The following KRR1 variants were observed in gnomAD, a reference collection of about 807,000 sequenced individuals.
KRR1 encodes the protein KRR1 small subunit processome component.
A neutral mutation model predicts 50.0 loss-of-function variants in KRR1; 23 were observed. That is an observed-to-expected ratio of 0.46 (90% CI 0.33 to 0.65). The LOEUF is 0.65. KRR1 is among the 30% of genes least tolerant of loss of function. KRR1 has a pLI of 0.02. For synonymous variants in KRR1, 133 were observed against 146.3 expected, an observed-to-expected ratio of 0.91 and a Z score of 0.66; for missense variants, 419 against 442.4, an observed-to-expected ratio of 0.95 and a Z score of 0.47.
intron 9 of KRR1, 156 bp downstream of exon 9, chr12:75,501,567 T>C: frequency 1.7e-6 from 1 of 592,654 alleles, no homozygotes; most frequent in Non-Finnish European, 2.9e-6. Context: ...AATTATAAAT[T>C]ATCTCAGCCA....
Position 75,491,537 on chromosome 12 carries a change from CTG to C in KRR1, c.*8270_*8271del, listed in dbSNP as rs972543431. ...TCCTTGAGATACTAGCACGTAAAGA[CTG>C]TGACCATTTTTGTTTTAAGTACATA... On this transcript the variant is annotated 3_prime_UTR_variant, in exon 10 of 10. Transcript: ENST00000229214. 1 of 152,168 alleles carries C rather than the reference CTG, an allele frequency of 6.6e-6. No homozygotes were observed. The highest frequency in any genetic ancestry group is 1.5e-5 in the Non-Finnish European group (1 of 68,024). 9.4% of individuals were successfully genotyped at this position (152,168 alleles called of 1,614,324 possible). A position where few individuals can be genotyped will look rare whatever the true frequency, so the allele number is the denominator to read the frequency against.
chr12:75,508,114 G>A (rs1314120505), intron 2 of KRR1, among the ~76,000 whole-genome samples, 160 bp downstream of exon 2: 3 of 144,970 alleles, frequency 2.1e-5, no homozygotes, highest in Non-Finnish European at 4.5e-5. Context: ...CATTAGGTAA[G>A]AAGAAAACTT....
Position 75,499,744 on chromosome 12 carries a change from T to C in KRR1, c.*65A>G. 1 of 1,264,296 alleles carries C rather than the reference T, an allele frequency of 7.9e-7. No homozygotes were observed. Among genetic ancestry groups the C allele is most frequent in the Non-Finnish European group, 1.1e-6 (1 of 931,976 alleles). The allele number at this position is 1,264,296 out of a possible 1,614,324, so 78.3% of individuals were successfully genotyped here. ...GAAAATTTCTCACAAATAAGGCAAC[T>C]AATGCCTGATATCTCAAAATCCTTT... On this transcript the variant is annotated 3_prime_UTR_variant, in exon 10 of 10. Coordinates refer to ENST00000229214, the MANE Select transcript of KRR1 (RefSeq NM_007043.7).
In KRR1 at chr12:75,508,287, G is replaced by C; in HGVS notation, c.245C>G (p.Ala82Gly). ...LKECWPLVQK[A>G]LNEHHVNATL... ...AGATACACATACATGTTCATTTAAG[G>C]CTTTCTGCACCAATGGCCAACACTC... Residue 82 changes from alanine (A) to glycine (G), a missense_variant, in exon 2 of 10, where the codon GCC becomes GGC. Transcript: ENST00000229214. 1 of 1,607,444 alleles carries C rather than the reference G, an allele frequency of 6.2e-7. No homozygotes were observed. The highest frequency in any genetic ancestry group is 8.5e-7 in the Non-Finnish European group (1 of 1,177,546).
Position 75,504,094 on chromosome 12 carries a change from T to C in KRR1, c.661-20A>G. 2 of 1,567,070 alleles carry C rather than the reference T, an allele frequency of 1.3e-6. No individual in the cohort carries two copies. Among genetic ancestry groups the C allele is most frequent in the South Asian group, 2.4e-5 (2 of 83,804 alleles). ...TAAGCTCTTTAGTCATGCAACAAAG[T>C]AAAAATTTTTACTTTCCAAAGTCAC... On this transcript the variant is annotated intron_variant, in intron 6 of 9. Transcript: ENST00000229214.
In KRR1 at chr12:75,506,778, T is replaced by G. The variant is rs772170171; in HGVS notation, c.393+4A>C. 3 of 1,604,242 alleles carry G rather than the reference T, an allele frequency of 1.9e-6. No individual in the cohort carries two copies. The South Asian group carries it at 3.3e-5, about 18-fold the overall frequency. Reference sequence around the variant, plus strand: ...AAGCAAAGTCTCTGTAATTCTAGATTTACCTGTTCAAATGAAACACTCCTT... The same window carrying G: ...AAGCAAAGTCTCTGTAATTCTAGATGTACCTGTTCAAATGAAACACTCCTT... On this transcript the variant is annotated splice_donor_region_variant and intron_variant, in intron 3 of 9. Coordinates refer to ENST00000229214, the MANE Select transcript of KRR1 (RefSeq NM_007043.7).
Position 75,499,069 on chromosome 12 carries a change from A to AAAAC in KRR1, c.*736_*739dup. The AAAAC allele has an allele frequency of 1.3e-6, 1 of 777,702 alleles. No individual in the cohort carries two copies. The highest frequency in any genetic ancestry group is 2.0e-6 in the Non-Finnish European group (1 of 507,960). 48.2% of individuals were successfully genotyped at this position (777,702 alleles called of 1,614,324 possible). A position where few individuals can be genotyped will look rare whatever the true frequency, so the allele number is the denominator to read the frequency against. On this transcript the variant is annotated 3_prime_UTR_variant, in exon 10 of 10. Transcript: ENST00000229214. ...TAACAATTAGGTGTACTTCTATTTT[A>AAAAC]AAACATTTCAGAAAAAAATATATGT...
At chr12:75,504,794 A>G (rs1679377) in intron 6 of KRR1, among the ~76,000 whole-genome samples, 4,185 of 152,102 alleles carry the variant, frequency 0.028, 186 homozygotes, top group African/African-American at 0.096. Context: ...AAATTCATAA[A>G]AAGGTTTTAA....
Position 75,499,712 on chromosome 12 carries a change from G to C in KRR1, c.*97C>G, listed in dbSNP as rs937073853. 1.0e-5 allele frequency: 7 copies of C among 686,976 alleles called. No individual in the cohort carries two copies. The highest frequency in any genetic ancestry group is 3.4e-5 in the Admixed American group (1 of 29,234). The allele number at this position is 686,976 out of a possible 1,614,324, so 42.6% of individuals were successfully genotyped here. A position where few individuals can be genotyped will look rare whatever the true frequency, so the allele number is the denominator to read the frequency against. ...ACCACCACCACCAAAAAAAAAAAAA[G>C]CCCTCAGAAAATTTCTCACAAATAA... On this transcript the variant is annotated 3_prime_UTR_variant, in exon 10 of 10. Transcript: ENST00000229214.
chr12:75,511,422 G>T, intron 1 of KRR1, 91 bp downstream of exon 1: 2 of 1,112,116 alleles, frequency 1.8e-6, no homozygotes, highest in Non-Finnish European at 2.8e-6. Context: ...ACAGGCTCCA[G>T]GTGGTTTTAT....
Position 75,498,892 on chromosome 12 carries a change from A to G in KRR1, c.*917T>C, listed in dbSNP as rs1167832059. ...TAACAGATACACTTCTCTCTTTCTC[A>G]TTGTTAATTCAGTAATTCTAATACT... On this transcript the variant is annotated 3_prime_UTR_variant, in exon 10 of 10. Transcript: ENST00000229214. 6.2e-7 allele frequency: 1 copy of G among 1,606,944 alleles called. No homozygotes were observed. The highest frequency in any genetic ancestry group is 2.2e-5 in the East Asian group (1 of 44,820).
chr12:75,509,890 C>T (rs2046439232), intron 1 of KRR1, among the ~76,000 whole-genome samples: 1 of 151,674 alleles, frequency 6.6e-6, no homozygotes, highest in Admixed American at 6.6e-5. Context: ...CAACTAGTTA[C>T]TTACAATGTT....
Position 75,506,616 on chromosome 12 carries a change from C to CAAAAAAA in KRR1, c.394-14_394-8dup, listed in dbSNP as rs35071517. 27,656 of 1,315,910 alleles carry CAAAAAAA rather than the reference C, an allele frequency of 0.021. 494 individuals are homozygous for CAAAAAAA. Among genetic ancestry groups the CAAAAAAA allele is most frequent in the South Asian group, 0.035 (2,224 of 63,570 alleles). The allele number at this position is 1,315,910 out of a possible 1,614,324, so 81.5% of individuals were successfully genotyped here. A position where few individuals can be genotyped will look rare whatever the true frequency, so the allele number is the denominator to read the frequency against. The stretch of plus-strand genomic sequence containing the variant: ...CCTGAAGAATTCGTACTGCCTTTTG[C>CAAAAAAA]AAAAAAAAAAAAAAAAAGAAGACAT... On this transcript the variant is annotated splice_polypyrimidine_tract_variant and splice_region_variant and intron_variant, in intron 3 of 9. Transcript: ENST00000229214.
chr12:75,494,668 AC>A lies in KRR1; in HGVS notation c.*5140del, dbSNP rs2046340144. ...CACCAGACTGCCAAAGGGTACGATT[AC>A]ACAAAAAAGTTTAGAACTTTTTCCA... is the stretch of plus-strand genomic sequence containing the variant. On this transcript the variant is annotated 3_prime_UTR_variant, in exon 10 of 10. Transcript: ENST00000229214. 1 of 152,236 alleles carries A rather than the reference AC, an allele frequency of 6.6e-6. No homozygotes were observed. The highest frequency in any genetic ancestry group is 1.5e-5 in the Non-Finnish European group (1 of 68,042). The allele number at this position is 152,236 out of a possible 1,614,324, so 9.4% of individuals were successfully genotyped here.
chr12:75,496,483 T>C lies in KRR1; in HGVS notation c.*3326A>G, dbSNP rs780495000. 6.6e-6 allele frequency: 1 copy of C among 152,170 alleles called. No individual in the cohort carries two copies. The highest frequency in any genetic ancestry group is 2.4e-5 in the African/African-American group (1 of 41,440). 9.4% of individuals were successfully genotyped at this position (152,170 alleles called of 1,614,324 possible). ...TGTTTTACTAAACATCCAAGCAAAA[T>C]TCTGCTTTGTGATTTTGAAATATTA... On this transcript the variant is annotated 3_prime_UTR_variant, in exon 10 of 10. Transcript: ENST00000229214.
Position 75,492,053 on chromosome 12 carries a change from A to C in KRR1, c.*7756T>G, listed in dbSNP as rs1013955177. 5.9e-5 allele frequency: 9 copies of C among 151,986 alleles called. No individual in the cohort carries two copies. Among genetic ancestry groups the C allele is most frequent in the Non-Finnish European group, 5.9e-5 (4 of 68,010 alleles). The allele number at this position is 151,986 out of a possible 1,614,324, so 9.4% of individuals were successfully genotyped here. A position where few individuals can be genotyped will look rare whatever the true frequency, so the allele number is the denominator to read the frequency against. On this transcript the variant is annotated 3_prime_UTR_variant, in exon 10 of 10. Transcript: ENST00000229214. Reference sequence around the variant, plus strand: ...AAAGAAAACCCAGAAAAAACTAGACAAAGCCATAATTCAGTTAGTGGTAAC... The same window carrying C: ...AAAGAAAACCCAGAAAAAACTAGACCAAGCCATAATTCAGTTAGTGGTAAC...
rs931024341 is a variant in KRR1 at position 75,497,538 on chromosome 12, A to G, written c.*2271T>C. The G allele has an allele frequency of 3.9e-5, 6 of 152,224 alleles. No homozygotes were observed. The highest frequency in any genetic ancestry group is 6.5e-5 in the Admixed American group (1 of 15,280). The allele number at this position is 152,224 out of a possible 1,614,324, so 9.4% of individuals were successfully genotyped here. A position where few individuals can be genotyped will look rare whatever the true frequency, so the allele number is the denominator to read the frequency against. ...TCATGTAAGTTTAGGCTTACTTGAA[A>G]GTATTCTACTCTTCGCACTAATACT... On this transcript the variant is annotated 3_prime_UTR_variant, in exon 10 of 10. Transcript: ENST00000229214.
chr12:75,499,846 A>ATCTT lies in KRR1; in HGVS notation c.1105_1108dup (p.Met370LysfsTer6). The ATCTT allele has an allele frequency of 6.2e-7, 1 of 1,607,402 alleles. No individual in the cohort carries two copies. Among genetic ancestry groups the ATCTT allele is most frequent in the Non-Finnish European group, 8.5e-7 (1 of 1,177,370 alleles). ...CTTCTTTTTCTTTTCATCTGCCTCC[A>ATCTT]TCTTAAGTGCAATTTCTTCAGCTGT... is the stretch of plus-strand genomic sequence containing the variant. On this transcript the variant is annotated frameshift_variant, in exon 10 of 10. Transcript: ENST00000229214. LOFTEE classifies it high-confidence loss of function.
At chr12:75,501,513 A>ACTGT (rs1233067085) in intron 9 of KRR1, 6 of 523,396 alleles carry the variant, frequency 1.1e-5, no homozygotes, top group African/African-American at 5.8e-5. Flanking sequence ...TCAGGAGAGG[A>ACTGT]CTGTCAATCC....
Sources: gnomAD v4.1 joint callset for allele counts (sites outside exome capture counted in the v4.1 genomes callset) on GRCh38, gnomAD v4.1.1 for gene constraint, MANE v1.5 for transcripts, NCBI Gene and HGNC (gene_info 2026-07-23, HGNC 2026-07-21) for gene names.